The following SYT14 variants were observed in gnomAD, a reference collection of about 807,000 sequenced individuals.
SYT14 encodes synaptotagmin-14.
SYT14 carries 32 observed loss-of-function variants against 74.2 expected under a neutral mutation model. The observed-to-expected ratio is 0.43, with a 90% CI of 0.33 to 0.58. The LOEUF (loss-of-function observed/expected upper bound fraction) is 0.58. SYT14 is among the 20% of genes least tolerant of loss of function. The probability of loss-of-function intolerance (pLI) is 0.05; values close to 1 mark genes in which losing one functional copy is unlikely to be tolerated. For synonymous variants in SYT14, 298 were observed against 337.7 expected (o/e 0.88, Z 1.29); for missense variants, 791 against 981.8 (o/e 0.81, Z 2.60).
intron 7 of SYT14, among the ~76,000 whole-genome samples, chr1:210,142,241 C>G (rs1191200676): frequency 6.6e-6 from 1 of 152,202 alleles, no homozygotes; most frequent in Non-Finnish European, 1.5e-5. Flanking sequence ...GCTTTCAACA[C>G]TACCAGGGAA....
At chr1:210,075,364 C>A (rs1206869414) in intron 5 of SYT14, among the ~76,000 whole-genome samples, 6 of 124,616 alleles carry the variant, frequency 4.8e-5, no homozygotes, top group African/African-American at 2.0e-4. Context: ...TTTTTTGAGA[C>A]AGAGTCTCCC....
chr1:210,147,256 A>G (rs995676839), intron 7 of SYT14, among the ~76,000 whole-genome samples: 2 of 152,182 alleles, frequency 1.3e-5, no homozygotes, highest in South Asian at 4.1e-4. Context: ...AGTCATTAAA[A>G]ATACAGTCAA....
intron 2 of SYT14, among the ~76,000 whole-genome samples, chr1:209,977,232 A>G (rs1259496520): frequency 6.6e-6 from 1 of 152,102 alleles, no homozygotes; most frequent in Non-Finnish European, 1.5e-5. Flanking sequence ...GTTATGTGTG[A>G]ATTTGATCCT....
At chr1:210,129,320 G>A (rs1171845164) in intron 7 of SYT14, among the ~76,000 whole-genome samples, 5 of 152,120 alleles carry the variant, frequency 3.3e-5, no homozygotes, top group African/African-American at 1.2e-4. Flanking sequence ...TGCCTTCCAT[G>A]CATCAGCTGC....
intron 2 of SYT14, among the ~76,000 whole-genome samples, chr1:209,993,227 T>C (rs1335353422): frequency 1.3e-5 from 2 of 152,222 alleles, no homozygotes; most frequent in Admixed American, 1.3e-4. Context: ...AGAGTGGGGC[T>C]GGCTTCGCCA....
intron 2 of SYT14, among the ~76,000 whole-genome samples, chr1:209,999,066 A>G (rs188362913): frequency 6.6e-6 from 1 of 152,244 alleles, no homozygotes; most frequent in East Asian, 1.9e-4. Flanking sequence ...ACTTATTTGC[A>G]GAATTTACAA....
chr1:210,075,880 A>G (rs1417717823), intron 5 of SYT14, among the ~76,000 whole-genome samples: 2 of 152,152 alleles, frequency 1.3e-5, no homozygotes, highest in African/African-American at 4.8e-5. Flanking sequence ...TGCTATTAAT[A>G]GGGACTTAAA....
intron 2 of SYT14, among the ~76,000 whole-genome samples, chr1:209,974,168 T>G (rs1344342458): frequency 6.6e-6 from 1 of 152,228 alleles, no homozygotes; most frequent in Non-Finnish European, 1.5e-5. Flanking sequence ...GGTTGCCTGT[T>G]CACTCTGATG....
Position 210,059,427 on chromosome 1 carries a change from A to AATATATATATAT in SYT14, c.1313-34881_1313-34870dup, listed in dbSNP as rs374307953. On this transcript the variant is annotated intron_variant, in intron 5 of 9. Transcript: ENST00000637265. Reference sequence around the variant, plus strand: ...CTGTATATGCATGATGACAAGAAAGAATATATATATATATATATATATATA... The same window carrying AATATATATATAT: ...CTGTATATGCATGATGACAAGAAAGAATATATATATATATATATATATATATATATATATATA... Among the ~76,000 whole-genome samples the AATATATATATAT allele has an allele frequency of 1.9e-3, 148 of 79,996 alleles. 1 individual carries two copies. The highest frequency in any genetic ancestry group is 4.8e-3 in the African/African-American group (70 of 14,540). 52.5% of individuals were successfully genotyped at this position (79,996 alleles called of 152,430 possible).
intron 2 of SYT14, among the ~76,000 whole-genome samples, chr1:209,980,983 C>T (rs1200639593): frequency 6.6e-6 from 1 of 152,088 alleles, no homozygotes; most frequent in Non-Finnish European, 1.5e-5. Context: ...ATTCTGTAAA[C>T]AATGTCAGTG....
chr1:210,040,206 A>G (rs1209884809), intron 5 of SYT14, among the ~76,000 whole-genome samples: 1 of 152,198 alleles, frequency 6.6e-6, no homozygotes, highest in Non-Finnish European at 1.5e-5. Context: ...GGATGAGTTC[A>G]TGTCCTTTGC....
exon 10 of SYT14, chr1:210,170,551 T>A (rs2083513867): frequency 6.6e-6 from 1 of 152,162 alleles, no homozygotes; most frequent in Non-Finnish European, 1.5e-5. Context: ...GAATAAATTT[T>A]GTGTGGGTTA....
At chr1:209,957,700 T>C (rs2079015579) in intron 2 of SYT14, among the ~76,000 whole-genome samples, 1 of 152,042 alleles carries the variant, frequency 6.6e-6, no homozygotes, top group Non-Finnish European at 1.5e-5. Context: ...GTGCTGGGAT[T>C]ACAGGCGTGA....
At chr1:210,028,435 C>G (rs2080460130) in intron 5 of SYT14, among the ~76,000 whole-genome samples, 1 of 151,714 alleles carries the variant, frequency 6.6e-6, no homozygotes, top group African/African-American at 2.4e-5. Context: ...TCCATTCCCC[C>G]TTCCCCCAAC....
At chr1:210,044,680 A>G (rs150340825) in intron 5 of SYT14, among the ~76,000 whole-genome samples, 88 of 152,218 alleles carry the variant, frequency 5.8e-4, no homozygotes, top group African/African-American at 2.1e-3. Context: ...CCAGATAATG[A>G]TTTGTATTAG....
chr1:209,982,231 C>T (rs1217882722), intron 2 of SYT14, among the ~76,000 whole-genome samples: 3 of 152,114 alleles, frequency 2.0e-5, no homozygotes, highest in Non-Finnish European at 2.9e-5. Flanking sequence ...TCACAGCTCA[C>T]TGCACCCTTG....
At chr1:210,114,226 G>A (rs770072014) in intron 7 of SYT14, among the ~76,000 whole-genome samples, 5 of 151,464 alleles carry the variant, frequency 3.3e-5, no homozygotes, top group East Asian at 3.9e-4. Context: ...GAGGAATCCC[G>A]GGCTGCAGGC....
intron 7 of SYT14, among the ~76,000 whole-genome samples, chr1:210,124,948 A>G (rs959060819): frequency 2.6e-5 from 4 of 152,150 alleles, no homozygotes; most frequent in Admixed American, 2.0e-4. Context: ...GGTTCCAACA[A>G]TTAAACACAT....
chr1:210,108,640 G>T (rs915600488), intron 7 of SYT14, among the ~76,000 whole-genome samples: 1 of 151,678 alleles, frequency 6.6e-6, no homozygotes, highest in African/African-American at 2.4e-5. Context: ...AAAAAAAAAA[G>T]GACAAATAAC....
Sources: allele counts gnomAD v4.1 joint callset (sites outside exome capture counted in the v4.1 genomes callset), GRCh38; gene constraint gnomAD v4.1.1; transcripts MANE v1.5; gene names NCBI Gene and HGNC (gene_info 2026-07-23, HGNC 2026-07-21).